Variants in EYA1 observed in about 807,000 individuals in gnomAD.
The protein encoded by EYA1 is protein phosphatase EYA1.
A neutral mutation model predicts 82.0 loss-of-function variants in EYA1; 16 were observed. The ratio of observed to expected loss-of-function variants is 0.20; its 90% CI spans 0.13 to 0.30. The LOEUF (loss-of-function observed/expected upper bound fraction) is 0.30. EYA1 is among the 10% of genes least tolerant of loss of function. The pLI, the probability that EYA1 is intolerant of heterozygous loss-of-function variation, is 1.00. For synonymous variants in EYA1, 261 were observed against 264.4 expected, an observed-to-expected ratio of 0.99 and a Z score of 0.12; for missense variants, 633 against 730.7, an observed-to-expected ratio of 0.87 and a Z score of 1.54.
At chr8:71,379,381 G>A (rs182453225) in intron 2 of EYA1, among the ~76,000 whole-genome samples, 10 of 152,148 alleles carry the variant, frequency 6.6e-5, no homozygotes, top group African/African-American at 2.2e-4. Context: ...AGCCCCTGGG[G>A]ACTTCAATTA....
chr8:71,245,449 T>G (rs1007487027), intron 11 of EYA1, among the ~76,000 whole-genome samples: 1 of 151,930 alleles, frequency 6.6e-6, no homozygotes, highest in African/African-American at 2.4e-5. Context: ...CAGGATGGTC[T>G]TGATCTGACC....
chr8:71,384,050 A>G (rs1828851465), intron 2 of EYA1, among the ~76,000 whole-genome samples: 1 of 151,912 alleles, frequency 6.6e-6, no homozygotes, highest in African/African-American at 2.4e-5. Flanking sequence ...CATCTCAGAG[A>G]GAGCAACTAC....
chr8:71,541,521 A>C (rs1254001581), intron 1 of EYA1, among the ~76,000 whole-genome samples: 1 of 152,240 alleles, frequency 6.6e-6, no homozygotes, highest in Non-Finnish European at 1.5e-5. Flanking sequence ...TTATTTGGTA[A>C]GGAAAATTGA....
intron 9 of EYA1, among the ~76,000 whole-genome samples, chr8:71,296,680 T>G (rs1240164258): frequency 1.3e-5 from 2 of 152,036 alleles, no homozygotes; most frequent in African/African-American, 4.8e-5. Flanking sequence ...ACATTCATTA[T>G]TTTAACAATG....
Position 71,416,101 on chromosome 8 carries a change from C to T in EYA1, c.34-59590G>A, listed in dbSNP as rs150564793. On this transcript the variant is annotated intron_variant, in intron 2 of 18. Transcript: ENST00000643681. ...CTCCCCAGGCTTCCAGGCTGACAGG[C>T]TACATTTGGATTCAACCAGTAGAAA... Among the ~76,000 whole-genome samples the T allele has an allele frequency of 2.6e-5, 4 of 152,310 alleles. No individual in the cohort carries two copies. In the East Asian group the frequency reaches 5.8e-4, roughly 22 times the overall value.
intron 4 of EYA1, among the ~76,000 whole-genome samples, chr8:71,328,640 T>C (rs966727420): frequency 2.0e-5 from 3 of 152,192 alleles, no homozygotes; most frequent in Non-Finnish European, 4.4e-5. Flanking sequence ...TTCCAAACCA[T>C]TGGTTTTCTA....
chr8:71,283,347 C>T (rs779566675), intron 9 of EYA1, among the ~76,000 whole-genome samples: 4 of 152,190 alleles, frequency 2.6e-5, no homozygotes, highest in Non-Finnish European at 4.4e-5. Context: ...CCTGCCCTAA[C>T]GCTATTCTCC....
chr8:71,344,128 A>G (rs1204369012), intron 3 of EYA1, among the ~76,000 whole-genome samples: 2 of 152,110 alleles, frequency 1.3e-5, no homozygotes, highest in Non-Finnish European at 2.9e-5. Context: ...TTTATTTTTG[A>G]CTTTTTATAA....
At chr8:71,199,889 TCA>T (rs1353045228) in intron 17 of EYA1, 1 of 173,802 alleles carries the variant, frequency 5.8e-6, no homozygotes, top group African/African-American at 2.4e-5. Context: ...TTTATTTCCC[TCA>T]GTTATTCTTC....
At chr8:71,482,311 AC>A (rs1810228153) in intron 2 of EYA1, among the ~76,000 whole-genome samples, 1 of 152,216 alleles carries the variant, frequency 6.6e-6, no homozygotes, top group African/African-American at 2.4e-5. Context: ...GTCATTATTC[AC>A]CGGGAAAATG....
chr8:71,364,939 CATATATATATATAT>C (rs34890892), upstream of EYA1, among the ~76,000 whole-genome samples: 12,935 of 88,136 alleles, frequency 0.15, 1,416 homozygotes, highest in East Asian at 0.41. Context: ...AAGCAAATGT[CATATATATATATAT>C]ATATATATAT....
intron 17 of EYA1, among the ~76,000 whole-genome samples, chr8:71,207,411 C>T (rs1416892884): frequency 7.9e-5 from 12 of 152,112 alleles, no homozygotes; most frequent in East Asian, 1.9e-4. Context: ...AAATTGATGA[C>T]GTCTGAATCT....
chr8:71,399,283 C>T (rs1829817394), intron 2 of EYA1, among the ~76,000 whole-genome samples: 2 of 151,710 alleles, frequency 1.3e-5, no homozygotes, highest in African/African-American at 4.8e-5. Flanking sequence ...GGGCTGAACC[C>T]ACTGTCTGAC....
intron 17 of EYA1, among the ~76,000 whole-genome samples, chr8:71,202,076 C>CT (rs746247452): frequency 6.6e-6 from 1 of 152,048 alleles, no homozygotes; most frequent in African/African-American, 2.4e-5. Context: ...AGTGGAATGC[C>CT]TTTTTTCAGA....
At chr8:71,318,004 G>A (rs750747239) in intron 6 of EYA1, among the ~76,000 whole-genome samples, 1 of 152,106 alleles carries the variant, frequency 6.6e-6, no homozygotes, top group Non-Finnish European at 1.5e-5. Context: ...TGTAAGAGTT[G>A]AAGATCATCT....
intron 3 of EYA1, 61 bp downstream of exon 3, chr8:71,354,721 C>T (rs1353417826): frequency 1.3e-6 from 2 of 1,546,030 alleles, no homozygotes; most frequent in African/African-American, 1.4e-5. Context: ...CACCTAATAA[C>T]AAAGCATATA....
chr8:71,546,833 G>A (rs1815648748), intron 1 of EYA1, among the ~76,000 whole-genome samples: 1 of 152,002 alleles, frequency 6.6e-6, no homozygotes, highest in Non-Finnish European at 1.5e-5. Flanking sequence ...ATCAATTCAC[G>A]CTTCATGACA....
intron 2 of EYA1, among the ~76,000 whole-genome samples, chr8:71,477,284 C>T (rs1325525576): frequency 6.6e-6 from 1 of 152,030 alleles, no homozygotes; most frequent in African/African-American, 2.4e-5. Flanking sequence ...AAAAGACAAG[C>T]TACAGAATAC....
intron 3 of EYA1, among the ~76,000 whole-genome samples, chr8:71,346,446 ATATATATATC>A (rs1008545449): frequency 4.7e-4 from 64 of 135,614 alleles, no homozygotes; most frequent in South Asian, 2.2e-3. Context: ...ATATATATAT[ATATATATATC>A]TATATATATC....
Sources: gnomAD v4.1 joint callset for allele counts (sites outside exome capture counted in the v4.1 genomes callset) on GRCh38, gnomAD v4.1.1 for gene constraint, MANE v1.5 for transcripts, NCBI Gene and HGNC (gene_info 2026-07-23, HGNC 2026-07-21) for gene names.